The following SCN8A variants were observed in gnomAD, a reference collection of about 807,000 sequenced individuals.
SCN8A encodes sodium voltage-gated channel alpha subunit 8.
In SCN8A, 30 loss-of-function variants were observed where a neutral mutation model predicts 184.1. The ratio of observed to expected loss-of-function variants is 0.16; its 90% CI spans 0.12 to 0.22. The LOEUF is 0.22. Ranked by LOEUF, SCN8A falls within the 10% of genes least tolerant of loss-of-function variation. The pLI, the probability that SCN8A is intolerant of heterozygous loss-of-function variation, is 1.00. For missense variants in SCN8A, 1,057 were observed against 2,498.9 expected (o/e 0.42, Z 12.30); for synonymous variants, 852 against 907.0 (o/e 0.94, Z 1.09).
At chr12:51,794,137 CTG>C (rs1292644272) in intron 25 of SCN8A, among the ~76,000 whole-genome samples, 1 of 152,150 alleles carries the variant, frequency 6.6e-6, no homozygotes, top group African/African-American at 2.4e-5. Context: ...CAGAATGAGA[CTG>C]TGTCTCAAGA....
chr12:51,665,256 G>A (rs1412378625), intron 2 of SCN8A, among the ~76,000 whole-genome samples: 1 of 152,180 alleles, frequency 6.6e-6, no homozygotes, highest in African/African-American at 2.4e-5. Flanking sequence ...CAAAGAGAGT[G>A]GGTCTCTGGA....
intron 15 of SCN8A, among the ~76,000 whole-genome samples, 198 bp downstream of exon 15, chr12:51,762,874 T>C (rs1942782746): frequency 6.6e-6 from 1 of 152,186 alleles, no homozygotes; most frequent in African/African-American, 2.4e-5. Flanking sequence ...TAAAAATCAA[T>C]AAGCAAACAG....
intron 12 of SCN8A, among the ~76,000 whole-genome samples, chr12:51,723,447 A>G (rs533121214): frequency 6.6e-5 from 10 of 152,360 alleles, no homozygotes; most frequent in Middle Eastern, 6.8e-3. Flanking sequence ...AGCTATGATC[A>G]CTACATTTCA....
At chr12:51,610,378 G>A (rs1403860312) in intron 1 of SCN8A, among the ~76,000 whole-genome samples, 2 of 152,076 alleles carry the variant, frequency 1.3e-5, no homozygotes, top group African/African-American at 4.8e-5. Context: ...TTCAATGTTA[G>A]TATTGAGATG....
chr12:51,725,129 C>A (rs1241424327), intron 12 of SCN8A, among the ~76,000 whole-genome samples: 1 of 152,180 alleles, frequency 6.6e-6, no homozygotes, highest in Non-Finnish European at 1.5e-5. Context: ...AAGACCATAT[C>A]ATTCCCAAGG....
At chr12:51,692,033 C>CA (rs1434876627) in intron 6 of SCN8A, among the ~76,000 whole-genome samples, 1 of 152,154 alleles carries the variant, frequency 6.6e-6, no homozygotes, top group East Asian at 1.9e-4. Flanking sequence ...AGAGCTGGCC[C>CA]ATGATTCCCC....
chr12:51,640,690 T>C (rs1592347828), intron 1 of SCN8A, among the ~76,000 whole-genome samples: 1 of 152,154 alleles, frequency 6.6e-6, no homozygotes, highest in Admixed American at 6.5e-5. Flanking sequence ...CAACAAGCAG[T>C]GGAGAGTCTG....
chr12:51,600,786 T>A (rs1047093508), intron 1 of SCN8A, among the ~76,000 whole-genome samples: 4 of 152,158 alleles, frequency 2.6e-5, no homozygotes, highest in African/African-American at 4.8e-5. Flanking sequence ...AGAAAAAAAA[T>A]TAGAAATTTA....
intron 25 of SCN8A, among the ~76,000 whole-genome samples, chr12:51,792,770 T>C (rs148780360): frequency 0.011 from 1,647 of 152,050 alleles, 27 homozygotes; most frequent in African/African-American, 0.035. Flanking sequence ...TGAGACAGAG[T>C]CTCTCTCTGT....
Position 51,721,819 on chromosome 12 carries a change from G to T in SCN8A, c.1909G>T (p.Val637Leu). The T allele has an allele frequency of 6.2e-7, 1 of 1,607,174 alleles. No individual in the cohort carries two copies. The highest frequency in any genetic ancestry group is 8.5e-7 in the Non-Finnish European group (1 of 1,179,598). ...CATCTTCCCCAGCCTGCGGCGCAGC[G>T]TGAAGCGCAACAGCACGGTGGACTG... ...SRIFPSLRRS[V>L]KRNSTVDCNG... Residue 637 changes from valine (V) to leucine (L), a missense_variant, in exon 12 of 27, where the codon GTG (valine) becomes TTG (leucine). Around this residue, in one of 19 missense-constraint regions of SCN8A, gnomAD observed 322 missense variants for 390.1 expected, o/e 0.83. Coordinates refer to ENST00000627620, the MANE Select transcript of SCN8A (RefSeq NM_001330260.2).
intron 7 of SCN8A, among the ~76,000 whole-genome samples, chr12:51,700,266 G>A (rs376210906): frequency 8.9e-4 from 135 of 151,914 alleles, no homozygotes; most frequent in African/African-American, 3.2e-3. Flanking sequence ...TTTCCTCGAC[G>A]TAGGATTGTG....
chr12:51,597,621 A>G (rs1190471907), intron 1 of SCN8A, among the ~76,000 whole-genome samples: 3 of 152,172 alleles, frequency 2.0e-5, no homozygotes, highest in African/African-American at 7.2e-5. Context: ...TTGATAAAGG[A>G]AGAGATGGCA....
Position 51,655,002 on chromosome 12 carries a change from C to T in SCN8A, c.-54-7762C>T, listed in dbSNP as rs149375592. Among the ~76,000 whole-genome samples the T allele has an allele frequency of 9.6e-3, 1,466 of 152,070 alleles. 9 individuals carry two copies. The highest frequency in any genetic ancestry group is 0.017 in the Admixed American group (258 of 15,286). ...GCAACCTCCACCTCCCAGGTTCAAG[C>T]GATTCTGGTGCTTTAGCTACCCAAG... On this transcript the variant is annotated intron_variant, in intron 1 of 26. Transcript: ENST00000627620.
chr12:51,593,582 G>T (rs1939279404), intron 1 of SCN8A, among the ~76,000 whole-genome samples: 1 of 152,158 alleles, frequency 6.6e-6, no homozygotes, highest in Admixed American at 6.5e-5. Context: ...GCTTTGGGTT[G>T]CCTGTGTTTA....
In SCN8A at chr12:51,687,208, C is replaced by A; in HGVS notation, c.603C>A (p.Val201=). The stretch of plus-strand genomic sequence containing the variant: ...CATGGAACTGGTTAGATTTCAGTGT[C>A]ATCATGATGGCGTAAGTTCTCCCCT... ...RDPWNWLDFS[V]IMMAYVTEFV... The change falls in exon 5 of 27, where the codon GTC becomes GTA. Residue 201 remains valine, a synonymous_variant. Coordinates refer to ENST00000627620, the MANE Select transcript of SCN8A (RefSeq NM_001330260.2). 6.2e-7 allele frequency: 1 copy of A among 1,613,420 alleles called. No homozygotes were observed. The highest frequency in any genetic ancestry group is 1.1e-5 in the South Asian group (1 of 91,056).
At position 51,721,811 on chromosome 12, in the gene SCN8A, G is replaced by A. The variant is rs780504431; in HGVS notation, c.1901G>A (p.Arg634Gln). The change falls in exon 12 of 27, where the codon CGG becomes CAG. Residue 634 changes from arginine to glutamine, a missense_variant. Transcript: ENST00000627620. ...SRSSRIFPSL[R>Q]RSVKRNSTVD... is the part of the protein sequence containing the mutation. ...TCCTCGCGCATCTTCCCCAGCCTGCGGCGCAGCGTGAAGCGCAACAGCACG... is the reference window on the plus strand; with the variant it reads ...TCCTCGCGCATCTTCCCCAGCCTGCAGCGCAGCGTGAAGCGCAACAGCACG... 1 of 1,607,932 alleles carries A rather than the reference G, an allele frequency of 6.2e-7. No homozygotes were observed. Among genetic ancestry groups the A allele is most frequent in the Non-Finnish European group, 8.5e-7 (1 of 1,179,496 alleles).
chr12:51,597,201 A>T (rs1226293001), intron 1 of SCN8A, among the ~76,000 whole-genome samples: 1 of 152,206 alleles, frequency 6.6e-6, no homozygotes, highest in South Asian at 2.1e-4. Context: ...GAAGGAGTTG[A>T]TTGGGGTGGG....
intron 1 of SCN8A, among the ~76,000 whole-genome samples, chr12:51,609,628 G>T (rs574670565): frequency 6.6e-6 from 1 of 152,136 alleles, no homozygotes. Context: ...AGTGGCTCAC[G>T]CCTGTAATCC....
chr12:51,716,369 ATAAAG>A (rs1941964721), intron 11 of SCN8A, among the ~76,000 whole-genome samples: 1 of 152,172 alleles, frequency 6.6e-6, no homozygotes, highest in South Asian at 2.1e-4. Context: ...ACAATAAAAA[ATAAAG>A]TAGAGCATAA....
Sources: gnomAD v4.1 joint callset for allele counts (sites outside exome capture counted in the v4.1 genomes callset) on GRCh38, gnomAD v4.1.1 for gene constraint, gnomAD v4.1.1 regional missense constraint, MANE v1.5 for transcripts, NCBI Gene and HGNC (gene_info 2026-07-23, HGNC 2026-07-21) for gene names.